The following PHACTR2 variants were observed in gnomAD, a reference collection of about 807,000 sequenced individuals.
PHACTR2 encodes the protein chromosome 6 open reading frame 56.
Under a neutral mutation model 76.0 loss-of-function variants are expected in PHACTR2, and 30 were observed. That is an observed-to-expected ratio of 0.39 (90% CI 0.30 to 0.54). PHACTR2 has a LOEUF of 0.54. Among genes scored for constraint, PHACTR2 ranks in the 20% least tolerant of loss-of-function variants. The pLI is 0.61. For missense variants in PHACTR2, 696 were observed against 781.1 expected (o/e 0.89, Z 1.30); for synonymous variants, 292 against 292.5 (o/e 1.00, Z 0.02).
rs1180096143 is a variant in PHACTR2 at position 143,685,976 on chromosome 6, AT to A, written c.46+7768del. Among the ~76,000 whole-genome samples the A allele has an allele frequency of 2.6e-5, 4 of 152,190 alleles. No individual in the cohort carries two copies. The East Asian group carries it at 7.7e-4, about 29-fold the overall frequency. On this transcript the variant is annotated intron_variant, in intron 1 of 12. Coordinates refer to ENST00000440869, the MANE Select transcript of PHACTR2 (RefSeq NM_001100164.2). ...GTGAAACCCCGTCTCTATTAAAAATATAGAAATTAGCCAGGTGTGGTGGCGG... is the reference window on the plus strand; with the variant it reads ...GTGAAACCCCGTCTCTATTAAAAATAAGAAATTAGCCAGGTGTGGTGGCGG...
chr6:143,692,417 T>C (rs770485367), intron 1 of PHACTR2, among the ~76,000 whole-genome samples: 1 of 152,242 alleles, frequency 6.6e-6, no homozygotes, highest in Non-Finnish European at 1.5e-5. Flanking sequence ...TTGGCCTGAC[T>C]GCGCTGTTTC....
At chr6:143,814,806 G>A (rs1776264655) in intron 12 of PHACTR2, among the ~76,000 whole-genome samples, 2 of 152,046 alleles carry the variant, frequency 1.3e-5, no homozygotes, top group South Asian at 4.2e-4. Context: ...GTTTCACCGT[G>A]TTAGCCAGGA....
At chr6:143,559,200 G>T (rs1775225940) in intron 1 of PHACTR2, among the ~76,000 whole-genome samples, 1 of 152,126 alleles carries the variant, frequency 6.6e-6, no homozygotes, top group South Asian at 2.1e-4. Context: ...CGCTCCTTTG[G>T]GGTAGCTTTG....
chr6:143,622,273 C>A (rs2128440246), intron 1 of PHACTR2, among the ~76,000 whole-genome samples: 1 of 152,240 alleles, frequency 6.6e-6, no homozygotes, highest in East Asian at 1.9e-4. Context: ...CACACAAGGC[C>A]CCTGTGTCAC....
rs1261247151 is a variant in PHACTR2 at position 143,751,636 on chromosome 6, T to G, written c.296-2118T>G. Among the ~76,000 whole-genome samples the G allele has an allele frequency of 6.6e-6, 1 of 152,166 alleles. No homozygotes were observed. Among genetic ancestry groups the G allele is most frequent in the Non-Finnish European group, 1.5e-5 (1 of 68,046 alleles). On this transcript the variant is annotated intron_variant, in intron 3 of 12. Coordinates refer to ENST00000440869, the MANE Select transcript of PHACTR2 (RefSeq NM_001100164.2). This position sits in a 1 kb window ranked among gnomAD's most constrained non-coding sequence, Gnocchi z 5.7. Reference sequence around the variant, plus strand: ...TCCTTATTTAACCACTTGTTCCTGTTTGTGCTTTATCTCTGTTTTCTTTAA... The same window carrying G: ...TCCTTATTTAACCACTTGTTCCTGTGTGTGCTTTATCTCTGTTTTCTTTAA...
At chr6:143,768,816 T>A (rs192163756) in intron 6 of PHACTR2, among the ~76,000 whole-genome samples, 63 of 152,342 alleles carry the variant, frequency 4.1e-4, no homozygotes, top group African/African-American at 1.5e-3. Flanking sequence ...GTTATAATGC[T>A]TTCCTAGAAG....
intron 2 of PHACTR2, among the ~76,000 whole-genome samples, chr6:143,713,579 T>A (rs1034794808): frequency 6.6e-6 from 1 of 152,218 alleles, no homozygotes; most frequent in Admixed American, 6.5e-5. Flanking sequence ...GACAGGGTGC[T>A]GTGCTGTGTG....
At position 143,664,712 on chromosome 6, in the gene PHACTR2, A is replaced by G. The variant is rs1322657881; in HGVS notation, c.14-47304A>G. Among the ~76,000 whole-genome samples the G allele has an allele frequency of 6.6e-6, 1 of 152,124 alleles. No homozygotes were observed. Among genetic ancestry groups the G allele is most frequent in the Non-Finnish European group, 1.5e-5 (1 of 68,002 alleles). ...GAGCCGATAGTTTATTAAATTCACC[A>G]TCATGTCCTCACTTTCTGTGCTCAC... On this transcript the variant is annotated intron_variant, in intron 1 of 11. Coordinates refer to the PHACTR2 transcript ENST00000305766. This position sits in a 1 kb window ranked among gnomAD's most constrained non-coding sequence, Gnocchi z 5.1.
chr6:143,788,564 C>T (rs1041767501), intron 10 of PHACTR2, among the ~76,000 whole-genome samples: 57 of 151,462 alleles, frequency 3.8e-4, no homozygotes, highest in Admixed American at 3.5e-3. Flanking sequence ...CTATCTAAAA[C>T]GATGATTTTT....
rs569059474 is a variant in PHACTR2, at chr6:143,560,350, G to C, written c.217+23143G>C. On this transcript the variant is annotated intron_variant, in intron 1 of 11. Coordinates refer to the PHACTR2 transcript ENST00000367584. ...ATTCATTGATTAGAAACTGAACCAA[G>C]TATTTGATTCTGTATCTTTAAATTA... Among the ~76,000 whole-genome samples, 3 of 152,256 alleles carry C rather than the reference G, an allele frequency of 2.0e-5. No individual in the cohort carries two copies. In the South Asian group the frequency reaches 6.2e-4, roughly 32 times the overall value.
rs1440024402 is a variant in PHACTR2, at chr6:143,597,181, A to G, written c.217+59974A>G. On this transcript the variant is annotated intron_variant, in intron 1 of 11. Coordinates refer to the PHACTR2 transcript ENST00000367584. This position sits in a 1 kb window ranked among gnomAD's most constrained non-coding sequence, Gnocchi z 5.7. ...AAAACCCATTGTAGGGAGGGACAGG[A>G]ATGACTTCCAGGAAGATAGTTGCTC... Among the ~76,000 whole-genome samples the G allele has an allele frequency of 1.3e-5, 2 of 152,228 alleles. No homozygotes were observed. Among genetic ancestry groups the G allele is most frequent in the Non-Finnish European group, 2.9e-5 (2 of 68,042 alleles).
chr6:143,565,085 G>A (rs1452079910), intron 1 of PHACTR2, among the ~76,000 whole-genome samples: 1 of 152,156 alleles, frequency 6.6e-6, no homozygotes, highest in African/African-American at 2.4e-5. Flanking sequence ...CAAGTGGCTG[G>A]AATGGAATGA....
In PHACTR2 at chr6:143,777,606, G is replaced by A. The variant is rs1472001840; in HGVS notation, c.1645+223G>A. ...TTTGAGCCTTATACCCGCCCCTAGAGCAGAGTCATGGTCATGACAATTGTG... is the reference window on the plus strand; with the variant it reads ...TTTGAGCCTTATACCCGCCCCTAGAACAGAGTCATGGTCATGACAATTGTG... On this transcript the variant is annotated intron_variant, in intron 9 of 12. Transcript: ENST00000440869. The surrounding 1 kb of genome is among the most constrained non-coding windows in gnomAD (Gnocchi z 4.6). Among the ~76,000 whole-genome samples, 1 of 151,966 alleles carries A rather than the reference G, an allele frequency of 6.6e-6. No homozygotes were observed. Among genetic ancestry groups the A allele is most frequent in the Non-Finnish European group, 1.5e-5 (1 of 68,014 alleles).
chr6:143,566,682 C>T (rs1397743222), intron 1 of PHACTR2, among the ~76,000 whole-genome samples: 2 of 151,940 alleles, frequency 1.3e-5, no homozygotes, highest in East Asian at 1.9e-4. Flanking sequence ...GTCCCTGTCC[C>T]TCTTACTAAC....
chr6:143,687,162 C>G (rs1013668102), intron 1 of PHACTR2, among the ~76,000 whole-genome samples: 10 of 152,310 alleles, frequency 6.6e-5, no homozygotes, highest in Admixed American at 5.2e-4. Context: ...CATAGCTCAT[C>G]AGATTTGGTC....
chr6:143,814,868 C>T (rs927116602), intron 12 of PHACTR2, among the ~76,000 whole-genome samples: 2 of 152,160 alleles, frequency 1.3e-5, no homozygotes, highest in African/African-American at 2.4e-5. Flanking sequence ...TCCCAAAGTG[C>T]TGGGATTACA....
In PHACTR2 at chr6:143,583,068, A is replaced by G. The variant is rs551241237; in HGVS notation, c.217+45861A>G. On this transcript the variant is annotated intron_variant, in intron 1 of 11. Transcript: ENST00000367584. The surrounding 1 kb of genome is among the most constrained non-coding windows in gnomAD (Gnocchi z 4.0). ...ATGAGTCTTTCTATTTTGGATATGAAGACTTCTCAGAGAATTTAGAATTTA... is the reference window on the plus strand; with the variant it reads ...ATGAGTCTTTCTATTTTGGATATGAGGACTTCTCAGAGAATTTAGAATTTA... Among the ~76,000 whole-genome samples the G allele has an allele frequency of 1.4e-4, 21 of 152,362 alleles. No individual in the cohort carries two copies. The South Asian group carries it at 4.3e-3, about 32-fold the overall frequency.
chr6:143,626,536 C>CAAAAAAAAAAAAAAAAAA (rs35107482), intron 1 of PHACTR2, among the ~76,000 whole-genome samples: 4 of 122,338 alleles, frequency 3.3e-5, no homozygotes, highest in African/African-American at 9.9e-5. Flanking sequence ...GACTCCGTCT[C>CAAAAAAAAAAAAAAAAAA]AAAAAAAAAA....
At chr6:143,575,665 C>T (rs1775497846) in intron 1 of PHACTR2, among the ~76,000 whole-genome samples, 1 of 152,232 alleles carries the variant, frequency 6.6e-6, no homozygotes, top group South Asian at 2.1e-4. Context: ...TTGAATAGTT[C>T]TCTCTCGTGA....
Sources: allele counts gnomAD v4.1 joint callset (sites outside exome capture counted in the v4.1 genomes callset), GRCh38; gene constraint gnomAD v4.1.1; non-coding constraint Gnocchi (gnomAD v3.1); transcripts MANE v1.5; gene names NCBI Gene and HGNC (gene_info 2026-07-23, HGNC 2026-07-21).